Variants in FNIP1 observed in about 807,000 individuals in gnomAD.
FNIP1 encodes the protein folliculin interacting protein 1.
A neutral mutation model predicts 124.5 loss-of-function variants in FNIP1; 40 were observed. That is an observed-to-expected ratio of 0.32 (90% CI 0.25 to 0.42). FNIP1 has a LOEUF of 0.42. Ranked by LOEUF, FNIP1 falls within the 10% of genes least tolerant of loss-of-function variation. The probability of loss-of-function intolerance (pLI) is 1.00; values close to 1 mark genes in which losing one functional copy is unlikely to be tolerated. For synonymous variants in FNIP1, 472 were observed against 470.6 expected (o/e 1.00, Z -0.04); for missense variants, 1,176 against 1,403.7 (o/e 0.84, Z 2.59).
intron 15 of FNIP1, among the ~76,000 whole-genome samples, chr5:131,667,703 C>T (rs751412629): frequency 6.6e-6 from 1 of 152,322 alleles, no homozygotes; most frequent in East Asian, 1.9e-4. Context: ...ATTCTCCTGC[C>T]TCAGCCTCCC....
At chr5:131,703,844 C>A (rs1279936699) in intron 10 of FNIP1, among the ~76,000 whole-genome samples, 4 of 151,932 alleles carry the variant, frequency 2.6e-5, no homozygotes, top group African/African-American at 9.7e-5. Flanking sequence ...CATTTTAGTC[C>A]CTCAAATATT....
intron 3 of FNIP1, among the ~76,000 whole-genome samples, chr5:131,729,347 C>A (rs1173098240): frequency 6.6e-6 from 1 of 152,234 alleles, no homozygotes; most frequent in African/African-American, 2.4e-5. Context: ...AAGCCCCTGA[C>A]TGGGGCTGCT....
intron 2 of FNIP1, among the ~76,000 whole-genome samples, chr5:131,741,960 G>A (rs952055966): frequency 2.2e-4 from 34 of 152,254 alleles, no homozygotes; most frequent in African/African-American, 7.2e-4. Context: ...GGAGGACTGC[G>A]TGATCCCAGG....
At chr5:131,779,055 G>C (rs1401962433) in intron 1 of FNIP1, among the ~76,000 whole-genome samples, 151 of 137,098 alleles carry the variant, frequency 1.1e-3, no homozygotes, top group Admixed American at 2.0e-3. Flanking sequence ...TAGATGACGA[G>C]TTAGTGGGTG....
intron 1 of FNIP1, among the ~76,000 whole-genome samples, chr5:131,755,210 G>A (rs1219632456): frequency 6.6e-6 from 1 of 152,014 alleles, no homozygotes; most frequent in African/African-American, 2.4e-5. Flanking sequence ...CTCCTGAGAT[G>A]AGGAGTTTGA....
At chr5:131,776,565 C>CA (rs1320692087) in intron 1 of FNIP1, among the ~76,000 whole-genome samples, 1 of 152,226 alleles carries the variant, frequency 6.6e-6, no homozygotes, top group East Asian at 1.9e-4. Context: ...GCAACTGCTA[C>CA]ATGTGGCAAT....
rs70974007 is a variant in FNIP1, at chr5:131,693,333, C to CATATATAT, written c.1202+5576_1202+5583dup. On this transcript the variant is annotated intron_variant, in intron 11 of 17. Transcript: ENST00000510461. ...ATATATATACACATATATATATATA[C>CATATATAT]ATATATATATATATATATATATATA... is the stretch of plus-strand genomic sequence containing the variant. Among the ~76,000 whole-genome samples the CATATATAT allele has an allele frequency of 9.3e-3, 463 of 50,018 alleles. 7 individuals are homozygous for CATATATAT. The highest frequency in any genetic ancestry group is 0.017 in the African/African-American group (252 of 14,666). 32.8% of individuals were successfully genotyped at this position (50,018 alleles called of 152,430 possible).
chr5:131,699,098 C>T (rs900337528), intron 10 of FNIP1, 96 bp from the exon 11 acceptor site: 34 of 781,684 alleles, frequency 4.3e-5, no homozygotes, highest in Admixed American at 3.3e-4. Context: ...ATTTACACAA[C>T]GCTCTATCAA....
At chr5:131,676,173 C>G (rs1767906476) in intron 13 of FNIP1, among the ~76,000 whole-genome samples, 1 of 152,100 alleles carries the variant, frequency 6.6e-6, no homozygotes, top group Non-Finnish European at 1.5e-5. Flanking sequence ...CCACCACGCC[C>G]AGCTAATTTT....
chr5:131,787,111 C>T (rs1274273273), intron 1 of FNIP1, among the ~76,000 whole-genome samples: 1 of 152,208 alleles, frequency 6.6e-6, no homozygotes, highest in East Asian at 1.9e-4. Context: ...ACAATCAGAG[C>T]AACTCCATTC....
intron 1 of FNIP1, among the ~76,000 whole-genome samples, chr5:131,771,692 C>T (rs1277437877): frequency 6.6e-6 from 1 of 152,172 alleles, no homozygotes; most frequent in African/African-American, 2.4e-5. Context: ...TCCCTCTCCA[C>T]GTCTACAGAG....
chr5:131,676,336 G>C (rs181596978), intron 13 of FNIP1, among the ~76,000 whole-genome samples: 230 of 152,100 alleles, frequency 1.5e-3, no homozygotes, highest in Non-Finnish European at 2.6e-3. Context: ...TTCAGTAGAG[G>C]CAGGGTTTCA....
intron 15 of FNIP1, among the ~76,000 whole-genome samples, chr5:131,662,616 T>C (rs1252353717): frequency 6.6e-6 from 1 of 152,210 alleles, no homozygotes; most frequent in Non-Finnish European, 1.5e-5. Context: ...CAAGTCCTTT[T>C]TGGTTTAATA....
At chr5:131,720,398 G>C (rs1373896185) in intron 3 of FNIP1, among the ~76,000 whole-genome samples, 1 of 152,136 alleles carries the variant, frequency 6.6e-6, no homozygotes, top group Non-Finnish European at 1.5e-5. Flanking sequence ...ACTCCCAGAA[G>C]AAAACAGGAG....
chr5:131,759,578 T>C (rs1056526912), intron 1 of FNIP1, among the ~76,000 whole-genome samples: 3 of 152,106 alleles, frequency 2.0e-5, no homozygotes, highest in Non-Finnish European at 4.4e-5. Flanking sequence ...CTGGCTTTTA[T>C]TAAAAAGTCA....
intron 2 of FNIP1, among the ~76,000 whole-genome samples, chr5:131,733,744 A>T (rs2149552281): frequency 6.6e-6 from 1 of 152,318 alleles, no homozygotes; most frequent in East Asian, 1.9e-4. Flanking sequence ...TATTTTATTG[A>T]GGATTTCTGC....
intron 1 of FNIP1, among the ~76,000 whole-genome samples, chr5:131,752,538 T>TAA (rs70974009): frequency 0.088 from 12,032 of 136,682 alleles, 1,099 homozygotes; most frequent in African/African-American, 0.24. Flanking sequence ...CCTGAACATC[T>TAA]AAAAAAAAAA....
intron 1 of FNIP1, among the ~76,000 whole-genome samples, chr5:131,770,185 T>C (rs1336781622): frequency 6.6e-6 from 1 of 152,176 alleles, no homozygotes; most frequent in Non-Finnish European, 1.5e-5. Flanking sequence ...GACAAGCAAG[T>C]TGAAAAGCAG....
At chr5:131,767,427 C>CAA (rs139550903) in intron 1 of FNIP1, among the ~76,000 whole-genome samples, 65 of 64,008 alleles carry the variant, frequency 1.0e-3, no homozygotes, top group African/African-American at 2.8e-3. Context: ...GATTCTGTCT[C>CAA]AAAAAAAAAA....
Sources: allele counts gnomAD v4.1 joint callset (sites outside exome capture counted in the v4.1 genomes callset), GRCh38; gene constraint gnomAD v4.1.1; transcripts MANE v1.5; gene names NCBI Gene and HGNC (gene_info 2026-07-23, HGNC 2026-07-21).